Variants in ZFPM2 observed in about 807,000 individuals in gnomAD.
The protein encoded by ZFPM2 is zinc finger protein, FOG family member 2.
ZFPM2 carries 20 observed loss-of-function variants against 98.6 expected under a neutral mutation model. The ratio of observed to expected loss-of-function variants is 0.20; its 90% CI spans 0.14 to 0.29. The LOEUF (loss-of-function observed/expected upper bound fraction) is 0.29, where lower values mean the gene tolerates loss of function less well. Among genes scored for constraint, ZFPM2 ranks in the 10% least tolerant of loss-of-function variants. The probability of loss-of-function intolerance (pLI) is 1.00; values close to 1 mark genes in which losing one functional copy is unlikely to be tolerated. For synonymous variants in ZFPM2, 518 were observed against 502.7 expected (o/e 1.03, Z -0.41); for missense variants, 1,310 against 1,388.6 (o/e 0.94, Z 0.90).
chr8:105,766,724 CTCAT>C (rs1290474131), intron 5 of ZFPM2, among the ~76,000 whole-genome samples: 2 of 151,828 alleles, frequency 1.3e-5, no homozygotes, highest in African/African-American at 4.8e-5. Context: ...GATAATCAGA[CTCAT>C]TCAGGAAAAT....
intron 4 of ZFPM2, among the ~76,000 whole-genome samples, chr8:105,605,443 A>T (rs1816176997): frequency 6.6e-6 from 1 of 152,106 alleles, no homozygotes; most frequent in Admixed American, 6.6e-5. Flanking sequence ...AGCAAATTAA[A>T]TTAGCAACTG....
chr8:105,420,159 G>A (rs142875420), intron 2 of ZFPM2, among the ~76,000 whole-genome samples: 2 of 152,104 alleles, frequency 1.3e-5, no homozygotes, highest in African/African-American at 2.4e-5. Flanking sequence ...CTGTGTTTGT[G>A]TATGCACCAT....
At chr8:105,341,708 CT>C (rs1227426093) in intron 1 of ZFPM2, among the ~76,000 whole-genome samples, 1 of 151,858 alleles carries the variant, frequency 6.6e-6, no homozygotes, top group Non-Finnish European at 1.5e-5. Context: ...GTTGGTGAAA[CT>C]TTTAGGGTTG....
chr8:105,353,819 C>T lies in ZFPM2; in HGVS notation c.40+34838C>T, dbSNP rs997509647. Among the ~76,000 whole-genome samples the T allele has an allele frequency of 2.0e-5, 3 of 152,118 alleles. No homozygotes were observed. The East Asian group carries it at 5.8e-4, about 29-fold the overall frequency. Reference sequence around the variant, plus strand: ...GTTTGCTTAAAATTTTTTAAAAGGACCGGAGTTTTATTCTAAGTGCTAAAT... The same window carrying T: ...GTTTGCTTAAAATTTTTTAAAAGGATCGGAGTTTTATTCTAAGTGCTAAAT... On this transcript the variant is annotated intron_variant, in intron 1 of 7. Coordinates refer to ENST00000407775, the MANE Select transcript of ZFPM2 (RefSeq NM_012082.4).
intron 3 of ZFPM2, among the ~76,000 whole-genome samples, chr8:105,482,995 T>TTTCCCTCCTTCCTTCCTTCCTTCC (rs1813152812): frequency 1.9e-5 from 1 of 51,406 alleles, no homozygotes; most frequent in African/African-American, 8.4e-5. Flanking sequence ...CCCCCCATCC[T>TTTCCCTCCTTCCTTCCTTCCTTCC]TTCCTTCCTT....
intron 5 of ZFPM2, among the ~76,000 whole-genome samples, chr8:105,735,898 T>C (rs1229129854): frequency 1.3e-5 from 2 of 151,976 alleles, no homozygotes; most frequent in Non-Finnish European, 2.9e-5. Flanking sequence ...AAGAGGACCT[T>C]CAGGGAAAGC....
intron 6 of ZFPM2, chr8:105,795,984 T>C (rs946941979): frequency 2.4e-5 from 5 of 210,954 alleles, no homozygotes; most frequent in Non-Finnish European, 3.9e-5. Flanking sequence ...AGAGACACAA[T>C]GATGTCTTGA....
chr8:105,581,515 G>A (rs1428832778), intron 4 of ZFPM2, among the ~76,000 whole-genome samples: 4 of 152,060 alleles, frequency 2.6e-5, no homozygotes, highest in African/African-American at 4.8e-5. Context: ...TGCAAATAGC[G>A]AATGCATTTA....
intron 4 of ZFPM2, among the ~76,000 whole-genome samples, chr8:105,615,162 A>G (rs1011396547): frequency 6.8e-5 from 10 of 147,024 alleles, no homozygotes; most frequent in African/African-American, 2.5e-4. Flanking sequence ...AACAAGTCTC[A>G]TTTAATAACA....
At chr8:105,626,204 C>A (rs1007109643) in intron 4 of ZFPM2, among the ~76,000 whole-genome samples, 10 of 152,064 alleles carry the variant, frequency 6.6e-5, no homozygotes, top group African/African-American at 2.4e-4. Flanking sequence ...GACTCTAGAC[C>A]ATGCCAGGAT....
chr8:105,499,022 A>G (rs750441884), intron 3 of ZFPM2, among the ~76,000 whole-genome samples: 3 of 152,114 alleles, frequency 2.0e-5, no homozygotes, highest in Non-Finnish European at 4.4e-5. Flanking sequence ...ACTTCTCCCC[A>G]TTTCTGAGCA....
intron 5 of ZFPM2, among the ~76,000 whole-genome samples, chr8:105,655,937 A>T (rs183780285): frequency 6.7e-6 from 1 of 148,694 alleles, no homozygotes; most frequent in Non-Finnish European, 1.5e-5. Flanking sequence ...GGCTTTTTTC[A>T]TTCATTCATT....
chr8:105,499,330 T>A (rs1813540547), intron 3 of ZFPM2, among the ~76,000 whole-genome samples: 1 of 151,848 alleles, frequency 6.6e-6, no homozygotes, highest in Non-Finnish European at 1.5e-5. Flanking sequence ...TCCTTACTTT[T>A]CTAAAGAGGA....
At chr8:105,601,843 G>A (rs1178119544) in intron 4 of ZFPM2, among the ~76,000 whole-genome samples, 4 of 152,050 alleles carry the variant, frequency 2.6e-5, no homozygotes, top group African/African-American at 9.7e-5. Context: ...AAACACAGTT[G>A]AATCAGCTTA....
At chr8:105,648,968 T>C (rs750642564) in intron 5 of ZFPM2, among the ~76,000 whole-genome samples, 65 of 152,220 alleles carry the variant, frequency 4.3e-4, no homozygotes, top group Admixed American at 9.2e-4. Flanking sequence ...TTACCTTGGG[T>C]AGTATGGCTA....
intron 6 of ZFPM2, chr8:105,795,703 T>C: frequency 2.5e-6 from 1 of 393,922 alleles, no homozygotes; most frequent in South Asian, 1.9e-5. Context: ...TTTGTGATTT[T>C]ACTTCATAAA....
intron 3 of ZFPM2, among the ~76,000 whole-genome samples, chr8:105,476,190 G>T (rs777197178): frequency 1.3e-4 from 20 of 152,128 alleles, no homozygotes; most frequent in Non-Finnish European, 1.9e-4. Context: ...TTACTCTCCC[G>T]TAGTCCACTG....
intron 5 of ZFPM2, among the ~76,000 whole-genome samples, chr8:105,665,443 G>A (rs1817471506): frequency 6.6e-6 from 1 of 152,094 alleles, no homozygotes; most frequent in Non-Finnish European, 1.5e-5. Flanking sequence ...AAGCAACCCT[G>A]CCATGGATTT....
rs186928431 is a variant in ZFPM2 at position 105,485,825 on chromosome 8, G to A, written c.301+41444G>A. Among the ~76,000 whole-genome samples, 27 of 152,288 alleles carry A rather than the reference G, an allele frequency of 1.8e-4. No homozygotes were observed. In the East Asian group the frequency reaches 5.2e-3, roughly 29 times the overall value. ...GATAGGGTAAGAGAATCCAGACAAGGAGACTGAAAAGGGACTGTCAAAATG... is the reference window on the plus strand; with the variant it reads ...GATAGGGTAAGAGAATCCAGACAAGAAGACTGAAAAGGGACTGTCAAAATG... On this transcript the variant is annotated intron_variant, in intron 3 of 7. Coordinates refer to ENST00000407775, the MANE Select transcript of ZFPM2 (RefSeq NM_012082.4).
Sources: allele counts gnomAD v4.1 joint callset (sites outside exome capture counted in the v4.1 genomes callset), GRCh38; gene constraint gnomAD v4.1.1; transcripts MANE v1.5; gene names NCBI Gene and HGNC (gene_info 2026-07-23, HGNC 2026-07-21).